The following MEMO1 variants were observed in gnomAD, a reference collection of about 807,000 sequenced individuals.
The protein encoded by MEMO1 is protein MEMO1.
A neutral mutation model predicts 45.2 loss-of-function variants in MEMO1; 6 were observed. That is an observed-to-expected ratio of 0.13 (90% confidence interval 0.07 to 0.26). The LOEUF (loss-of-function observed/expected upper bound fraction) is 0.26. MEMO1 is among the 10% of genes least tolerant of loss of function. The pLI is 1.00. For synonymous variants in MEMO1, 78 were observed against 124.3 expected (o/e 0.63, Z 2.48); for missense variants, 184 against 370.5 (o/e 0.50, Z 4.13).
chr2:31,876,987 C>T (rs1674662050), intron 8 of MEMO1, among the ~76,000 whole-genome samples: 1 of 152,344 alleles, frequency 6.6e-6, no homozygotes, highest in East Asian at 1.9e-4. Flanking sequence ...ATTTGCTACA[C>T]TGCAGCCATA....
intron 8 of MEMO1, among the ~76,000 whole-genome samples, chr2:31,876,110 T>C (rs1221009991): frequency 6.6e-6 from 1 of 152,160 alleles, no homozygotes; most frequent in Non-Finnish European, 1.5e-5. Context: ...GTTCTTACCT[T>C]CAATTATTAC....
At chr2:31,952,021 A>T (rs980338755) in intron 2 of MEMO1, among the ~76,000 whole-genome samples, 1 of 152,168 alleles carries the variant, frequency 6.6e-6, no homozygotes, top group African/African-American at 2.4e-5. Context: ...CCTCACACAG[A>T]AAATAGCATG....
At chr2:31,952,250 T>C (rs1034551123) in intron 2 of MEMO1, among the ~76,000 whole-genome samples, 3 of 152,232 alleles carry the variant, frequency 2.0e-5, no homozygotes, top group Admixed American at 6.5e-5. Flanking sequence ...CTAATTTATG[T>C]AAATATTTTA....
intron 7 of MEMO1, among the ~76,000 whole-genome samples, chr2:31,888,720 AAATAT>A (rs1468718188): frequency 1.3e-5 from 2 of 152,202 alleles, no homozygotes; most frequent in East Asian, 3.9e-4. Context: ...GTTGCCTGAG[AAATAT>A]AATCTGGCAT....
chr2:31,948,838 A>G (rs1666480113), intron 2 of MEMO1, among the ~76,000 whole-genome samples: 1 of 152,208 alleles, frequency 6.6e-6, no homozygotes, highest in Non-Finnish European at 1.5e-5. Flanking sequence ...CTTTAAACTG[A>G]ATAAATTAAC....
At chr2:31,955,836 G>C (rs1039569288) in intron 2 of MEMO1, among the ~76,000 whole-genome samples, 1 of 152,134 alleles carries the variant, frequency 6.6e-6, no homozygotes, top group African/African-American at 2.4e-5. Flanking sequence ...TCAAACTCCT[G>C]ACCTCAGGTG....
chr2:31,950,378 C>CAA (rs540228992), intron 2 of MEMO1, among the ~76,000 whole-genome samples: 10 of 109,700 alleles, frequency 9.1e-5, no homozygotes, highest in Admixed American at 3.0e-4. Flanking sequence ...AAGACTCCGT[C>CAA]AAAAAAAAAA....
At chr2:31,869,496 TAG>T (rs1383931136) in intron 9 of MEMO1, among the ~76,000 whole-genome samples, 1 of 152,070 alleles carries the variant, frequency 6.6e-6, no homozygotes, top group Non-Finnish European at 1.5e-5. Context: ...TTATTTTTTA[TAG>T]AGTCTAGACC....
chr2:31,869,804 A>G (rs772031353), intron 9 of MEMO1, 44 bp downstream of exon 9: 5 of 1,559,284 alleles, frequency 3.2e-6, no homozygotes, highest in Non-Finnish European at 4.3e-6. Flanking sequence ...TTGGAATATC[A>G]TATGACCAAA....
At chr2:31,898,291 CT>C (rs1302815112) in intron 6 of MEMO1, among the ~76,000 whole-genome samples, 6 of 152,182 alleles carry the variant, frequency 3.9e-5, no homozygotes, top group Non-Finnish European at 8.8e-5. Context: ...TTCTCTAGTT[CT>C]TTTAATTGTG....
chr2:31,893,369 G>A, intron 6 of MEMO1: 2 of 1,129,942 alleles, frequency 1.8e-6, no homozygotes, highest in Non-Finnish European at 1.1e-6. Context: ...AGCTGCCACA[G>A]GATCTCTTTC....
intron 8 of MEMO1, among the ~76,000 whole-genome samples, chr2:31,875,169 G>A (rs1171248842): frequency 1.3e-5 from 2 of 151,908 alleles, no homozygotes; most frequent in South Asian, 4.1e-4. Flanking sequence ...TTAAATTCAA[G>A]CATATTAATA....
At chr2:31,931,977 A>G (rs1389811491) in intron 4 of MEMO1, 90 bp downstream of exon 4, 8 of 1,102,950 alleles carry the variant, frequency 7.3e-6, no homozygotes, top group Admixed American at 5.9e-5. Flanking sequence ...TGAGTACATA[A>G]TAACAATAAG....
chr2:31,932,578 A>G (rs954523334), intron 3 of MEMO1, among the ~76,000 whole-genome samples: 4 of 152,060 alleles, frequency 2.6e-5, no homozygotes, highest in Non-Finnish European at 5.9e-5. Context: ...AGCTGAGACC[A>G]TAGGCGCATG....
intron 8 of MEMO1, among the ~76,000 whole-genome samples, chr2:31,870,998 T>C (rs1296297648): frequency 2.0e-5 from 3 of 152,240 alleles, no homozygotes; most frequent in South Asian, 2.1e-4. Context: ...TGTTAGACTA[T>C]TGTTAAAACA....
chr2:31,914,691 T>C (rs1390611191), intron 6 of MEMO1, among the ~76,000 whole-genome samples: 1 of 152,074 alleles, frequency 6.6e-6, no homozygotes, highest in Admixed American at 6.6e-5. Flanking sequence ...TATGCTGCAA[T>C]AGGTAACTAA....
At chr2:31,889,036 C>G (rs1205462517) in intron 7 of MEMO1, among the ~76,000 whole-genome samples, 3 of 151,976 alleles carry the variant, frequency 2.0e-5, no homozygotes, top group African/African-American at 4.8e-5. Flanking sequence ...CACTGGCTAA[C>G]AAATAAGGTC....
chr2:31,937,234 G>A (rs903865528), intron 3 of MEMO1, among the ~76,000 whole-genome samples: 2 of 152,138 alleles, frequency 1.3e-5, no homozygotes, highest in Non-Finnish European at 2.9e-5. Context: ...AAGTTAGATA[G>A]TTATTATTCA....
In MEMO1 at chr2:31,874,829, CTT is replaced by C. The variant is rs1259885104; in HGVS notation, c.658-4879_658-4878del. 4.0e-5 allele frequency among the ~76,000 whole-genome samples: 6 copies of C among 151,874 alleles called. No homozygotes were observed. The South Asian group carries it at 1.0e-3, about 26-fold the overall frequency. ...AATTATTTATAATATAAAATAATCT[CTT>C]AGAAAATAAATATGCAAAAGTACAT... On this transcript the variant is annotated intron_variant, in intron 8 of 9. Transcript: ENST00000404530.
Sources: gnomAD v4.1 joint callset for allele counts (sites outside exome capture counted in the v4.1 genomes callset) on GRCh38, gnomAD v4.1.1 for gene constraint, MANE v1.5 for transcripts, NCBI Gene and HGNC (gene_info 2026-07-23, HGNC 2026-07-21) for gene names.